The following TRPC4 variants were observed in gnomAD, a reference collection of about 807,000 sequenced individuals.
TRPC4 encodes transient receptor potential cation channel subfamily C member 4.
In TRPC4, 49 loss-of-function variants were observed where a neutral mutation model predicts 99.4. That is an observed-to-expected ratio of 0.49 (90% CI 0.39 to 0.63). TRPC4 has a LOEUF of 0.63. Among genes scored for constraint, TRPC4 ranks in the 20% least tolerant of loss-of-function variants. TRPC4 has a pLI of 0.00. For missense variants in TRPC4, 898 were observed against 1,152.9 expected, an observed-to-expected ratio of 0.78 and a Z score of 3.20; for synonymous variants, 454 against 425.9, an observed-to-expected ratio of 1.07 and a Z score of -0.81.
At chr13:37,696,990 T>A (rs1349142566) in intron 3 of TRPC4, among the ~76,000 whole-genome samples, 3 of 151,734 alleles carry the variant, frequency 2.0e-5, no homozygotes, top group Non-Finnish European at 4.4e-5. Flanking sequence ...TTTAAATGTC[T>A]CTGTCTCTCT....
chr13:37,748,004 T>C (rs923997368), intron 2 of TRPC4, among the ~76,000 whole-genome samples: 4 of 152,156 alleles, frequency 2.6e-5, no homozygotes, highest in African/African-American at 9.7e-5. Flanking sequence ...GGGAAATGGT[T>C]TCAGTGTGCA....
intron 6 of TRPC4, among the ~76,000 whole-genome samples, chr13:37,657,970 G>C (rs1952296269): frequency 6.6e-6 from 1 of 152,052 alleles, no homozygotes; most frequent in African/African-American, 2.4e-5. Context: ...TTAAGACCCT[G>C]GCCTTAGTGT....
chr13:37,733,575 A>C (rs1955305113), intron 3 of TRPC4, among the ~76,000 whole-genome samples: 1 of 152,148 alleles, frequency 6.6e-6, no homozygotes, highest in Non-Finnish European at 1.5e-5. Context: ...AAAAATAATA[A>C]AGATAATATT....
intron 3 of TRPC4, among the ~76,000 whole-genome samples, chr13:37,717,358 G>A (rs960175475): frequency 2.0e-5 from 3 of 152,172 alleles, no homozygotes; most frequent in African/African-American, 4.8e-5. Context: ...ATAGTAGGAA[G>A]AGGAATGGAC....
chr13:37,684,822 C>G (rs1437498783), intron 4 of TRPC4, among the ~76,000 whole-genome samples: 2 of 151,156 alleles, frequency 1.3e-5, no homozygotes, highest in East Asian at 4.0e-4. Context: ...CACACACACA[C>G]ACACACACAC....
chr13:37,646,796 C>T (rs1270589928), intron 8 of TRPC4, among the ~76,000 whole-genome samples: 1 of 152,172 alleles, frequency 6.6e-6, no homozygotes, highest in Non-Finnish European at 1.5e-5. Context: ...TGACAGGAAG[C>T]AATGTCAAAA....
At chr13:37,855,261 T>A (rs1364070227) in intron 1 of TRPC4, among the ~76,000 whole-genome samples, 1 of 148,530 alleles carries the variant, frequency 6.7e-6, no homozygotes, top group African/African-American at 2.5e-5. Context: ...CTATATAATA[T>A]CAAAGGAGTC....
chr13:37,853,301 A>T (rs1959104389), intron 1 of TRPC4, among the ~76,000 whole-genome samples: 1 of 152,226 alleles, frequency 6.6e-6, no homozygotes, highest in Non-Finnish European at 1.5e-5. Flanking sequence ...GTAAATGAAT[A>T]ACAGTCTCTT....
rs978614158 is a variant in TRPC4, at chr13:37,828,854, G to A, written c.-28+40741C>T. On this transcript the variant is annotated intron_variant, in intron 1 of 10. Transcript: ENST00000379705. ...CTTGATGGTGTTTGGTGGGACTAGG[G>A]TGAGGATTGAAAAACTACCTATCAG... 2.6e-5 allele frequency among the ~76,000 whole-genome samples: 4 copies of A among 152,142 alleles called. No individual in the cohort carries two copies. In the East Asian group the frequency reaches 5.8e-4, roughly 22 times the overall value.
intron 1 of TRPC4, among the ~76,000 whole-genome samples, chr13:37,812,122 T>C (rs1353503217): frequency 1.6e-5 from 2 of 127,254 alleles, no homozygotes; most frequent in East Asian, 2.5e-4. Flanking sequence ...GAGGTTGCAG[T>C]GAGCTGACAC....
At chr13:37,661,717 A>T (rs1952444790) in intron 6 of TRPC4, among the ~76,000 whole-genome samples, 1 of 150,676 alleles carries the variant, frequency 6.6e-6, no homozygotes, top group South Asian at 2.1e-4. Flanking sequence ...TCATTTATGA[A>T]GGAAGAGGTT....
intron 1 of TRPC4, among the ~76,000 whole-genome samples, chr13:37,814,775 T>G (rs1307965621): frequency 6.6e-6 from 1 of 151,846 alleles, no homozygotes; most frequent in East Asian, 1.9e-4. Context: ...TCTATAAATT[T>G]AATGCCATCC....
chr13:37,725,151 T>C (rs973731877), intron 3 of TRPC4, among the ~76,000 whole-genome samples: 1 of 151,800 alleles, frequency 6.6e-6, no homozygotes, highest in Non-Finnish European at 1.5e-5. Flanking sequence ...GAAGAAAAAA[T>C]TAGTGAACTT....
intron 3 of TRPC4, among the ~76,000 whole-genome samples, chr13:37,699,652 T>G (rs1954039449): frequency 6.6e-6 from 1 of 152,232 alleles, no homozygotes; most frequent in Non-Finnish European, 1.5e-5. Flanking sequence ...AAAAATTTCG[T>G]ACCCAGTCAT....
intron 1 of TRPC4, among the ~76,000 whole-genome samples, chr13:37,862,790 G>C (rs1431737348): frequency 3.3e-5 from 5 of 151,566 alleles, no homozygotes; most frequent in African/African-American, 1.2e-4. Context: ...CAGAGTGACT[G>C]TTATGTATTA....
At chr13:37,777,961 CTT>C (rs1426650889) in intron 2 of TRPC4, among the ~76,000 whole-genome samples, 7 of 152,102 alleles carry the variant, frequency 4.6e-5, no homozygotes, top group Non-Finnish European at 8.8e-5. Context: ...CTTCTAATGA[CTT>C]TGTTATTTCT....
At chr13:37,665,147 T>C (rs1215833455) in intron 5 of TRPC4, among the ~76,000 whole-genome samples, 2 of 152,218 alleles carry the variant, frequency 1.3e-5, no homozygotes, top group Non-Finnish European at 2.9e-5. Context: ...GCTCTTAGTC[T>C]CGCTATGTAT....
At chr13:37,662,034 C>T (rs965328282) in intron 6 of TRPC4, among the ~76,000 whole-genome samples, 1 of 152,052 alleles carries the variant, frequency 6.6e-6, no homozygotes, top group East Asian at 1.9e-4. Context: ...GGAAGGCCGG[C>T]GAAGTGGCTC....
intron 3 of TRPC4, among the ~76,000 whole-genome samples, chr13:37,716,110 T>C (rs1954654442): frequency 6.6e-6 from 1 of 152,018 alleles, no homozygotes; most frequent in African/African-American, 2.4e-5. Context: ...ATGAAAACTT[T>C]TTTTTCTCCT....
Sources: gnomAD v4.1 joint callset for allele counts (sites outside exome capture counted in the v4.1 genomes callset) on GRCh38, gnomAD v4.1.1 for gene constraint, MANE v1.5 for transcripts, NCBI Gene and HGNC (gene_info 2026-07-23, HGNC 2026-07-21) for gene names.